Variants in CLYBL observed in about 807,000 individuals in gnomAD.
CLYBL encodes citramalyl-CoA lyase, mitochondrial.
In CLYBL, 31 loss-of-function variants were observed where a neutral mutation model predicts 38.9. That is an observed-to-expected ratio of 0.80 (90% CI 0.60 to 1.08). The LOEUF is 1.08. Ranked by LOEUF, CLYBL falls within the 50% of genes least tolerant of loss-of-function variation. The probability of loss-of-function intolerance (pLI) is 0.00; values close to 1 mark genes in which losing one functional copy is unlikely to be tolerated. For missense variants in CLYBL, 434 were observed against 411.6 expected, an observed-to-expected ratio of 1.05 and a Z score of -0.47; for synonymous variants, 171 against 158.6, an observed-to-expected ratio of 1.08 and a Z score of -0.59.
chr13:99,894,029 A>G (rs2052539540), downstream of CLYBL: 1 of 152,326 alleles, frequency 6.6e-6, no homozygotes, highest in Non-Finnish European at 1.5e-5. Flanking sequence ...TGAGAGCCAC[A>G]AATCTGGACC....
chr13:99,768,263 C>A (rs1413550428), intron 1 of CLYBL, among the ~76,000 whole-genome samples: 2 of 133,498 alleles, frequency 1.5e-5, no homozygotes, highest in African/African-American at 5.6e-5. Flanking sequence ...GGTGCTATCT[C>A]AGCTCACTGC....
chr13:99,809,350 G>A (rs777785905), intron 2 of CLYBL, among the ~76,000 whole-genome samples: 8 of 152,204 alleles, frequency 5.3e-5, no homozygotes, highest in Non-Finnish European at 8.8e-5. Context: ...CCTCCCTTCT[G>A]TGCATGACCA....
chr13:99,608,061 CTTTTTTTTTTTTTT>C (rs56149363), intron 1 of CLYBL, among the ~76,000 whole-genome samples: 5,479 of 75,216 alleles, frequency 0.073, 206 homozygotes, highest in Middle Eastern at 0.12. Flanking sequence ...TCTGGAACTT[CTTTTTTTTTTTTTT>C]TTTTTTTTTT....
chr13:99,753,291 G>A (rs1176865552), intron 1 of CLYBL, among the ~76,000 whole-genome samples: 1 of 152,078 alleles, frequency 6.6e-6, no homozygotes, highest in African/African-American at 2.4e-5. Flanking sequence ...CCATGGAAGG[G>A]GCTCAAGCAG....
intron 2 of CLYBL, among the ~76,000 whole-genome samples, chr13:99,833,030 A>ATAT (rs1555314878): frequency 1.1e-4 from 4 of 35,870 alleles, no homozygotes; most frequent in African/African-American, 2.8e-4. Context: ...ATATATATAT[A>ATAT]TTTTTTTTTT....
intron 8 of CLYBL, 143 bp downstream of exon 8, chr13:99,891,580 T>G: frequency 1.9e-6 from 1 of 533,714 alleles, no homozygotes. Flanking sequence ...TGGCCAGTTA[T>G]TCCCCTAAAA....
exon 10 of CLYBL, among the ~76,000 whole-genome samples, chr13:99,908,405 ACT>A (rs772515859): frequency 2.0e-5 from 3 of 152,180 alleles, no homozygotes; most frequent in East Asian, 3.9e-4. Context: ...AGCCAAGTGT[ACT>A]CTGTCATCAC....
At chr13:99,800,732 G>A (rs2050114513) in intron 2 of CLYBL, among the ~76,000 whole-genome samples, 1 of 151,994 alleles carries the variant, frequency 6.6e-6, no homozygotes, top group Admixed American at 6.5e-5. Context: ...AAATTAGCCT[G>A]GCATGGTGGC....
chr13:99,645,893 G>A, intron 1 of CLYBL, among the ~76,000 whole-genome samples: 1 of 152,118 alleles, frequency 6.6e-6, no homozygotes, highest in East Asian at 1.9e-4. Flanking sequence ...GGGCCTTAGG[G>A]CAATTTCTGA....
At position 99,663,276 on chromosome 13, in the gene CLYBL, T is replaced by C. The variant is rs368197937; in HGVS notation, c.62+56519T>C. Among the ~76,000 whole-genome samples the C allele has an allele frequency of 2.4e-4, 37 of 152,308 alleles. 1 individual carries two copies. In the South Asian group the frequency reaches 5.8e-3, roughly 24 times the overall value. ...AGGGCGCCGTTTGATACTAGCCCCATGTGTGGGTATAAATAATGTTTTCCA... is the reference window on the plus strand; with the variant it reads ...AGGGCGCCGTTTGATACTAGCCCCACGTGTGGGTATAAATAATGTTTTCCA... On this transcript the variant is annotated intron_variant, in intron 1 of 8. Coordinates refer to ENST00000339105, the MANE Select transcript of CLYBL (RefSeq NM_206808.5).
chr13:99,823,602 G>A (rs1211511509), intron 2 of CLYBL, among the ~76,000 whole-genome samples: 1 of 152,284 alleles, frequency 6.6e-6, no homozygotes, highest in East Asian at 1.9e-4. Flanking sequence ...TGCATTTAAG[G>A]TTCCTCCTTA....
intron 2 of CLYBL, among the ~76,000 whole-genome samples, chr13:99,841,782 TTTTTCTTTCTTTTCTTTTC>T (rs1471246713): frequency 1.2e-4 from 18 of 151,642 alleles, no homozygotes; most frequent in Admixed American, 1.1e-3. Context: ...CTATGTATTT[TTTTTCTTTCTTTTCTTTTC>T]TTTTCTTTTC....
At chr13:99,847,874 C>G (rs555520582) in intron 2 of CLYBL, among the ~76,000 whole-genome samples, 25 of 152,298 alleles carry the variant, frequency 1.6e-4, no homozygotes, top group African/African-American at 5.5e-4. Flanking sequence ...CCACCATGGT[C>G]CTTTCTCCCC....
chr13:99,675,603 T>G (rs1594113840), intron 1 of CLYBL, among the ~76,000 whole-genome samples: 1 of 152,240 alleles, frequency 6.6e-6, no homozygotes, highest in East Asian at 1.9e-4. Context: ...TCTGGACTCT[T>G]CATATACATG....
chr13:99,900,200 TAC>T (rs933094283), downstream of CLYBL, among the ~76,000 whole-genome samples: 12 of 106,450 alleles, frequency 1.1e-4, no homozygotes, highest in East Asian at 2.5e-4. Context: ...GTGCTGGGAT[TAC>T]ACACATGAGC....
chr13:99,673,281 C>T (rs369464801), intron 1 of CLYBL, among the ~76,000 whole-genome samples: 22 of 152,062 alleles, frequency 1.4e-4, no homozygotes, highest in East Asian at 5.8e-4. Context: ...GGCATGGTGG[C>T]GCACACCTGT....
chr13:99,677,561 T>G (rs1415872508), intron 1 of CLYBL, among the ~76,000 whole-genome samples: 1 of 152,250 alleles, frequency 6.6e-6, no homozygotes, highest in Non-Finnish European at 1.5e-5. Context: ...CTTGTGTGTT[T>G]GCGATTTATC....
At chr13:99,905,487 T>A (rs903265067) in intron 9 of CLYBL, among the ~76,000 whole-genome samples, 19 of 152,288 alleles carry the variant, frequency 1.2e-4, no homozygotes, top group Non-Finnish European at 2.2e-4. Context: ...GGCCCTGTTC[T>A]AGGAAGTGAA....
In CLYBL at chr13:99,683,823, T is replaced by C. The variant is rs182504988; in HGVS notation, c.62+77066T>C. On this transcript the variant is annotated intron_variant, in intron 1 of 8. Coordinates refer to ENST00000339105, the MANE Select transcript of CLYBL (RefSeq NM_206808.5). ...ATATAAAACCAGTAACATTTATTATTATCAAGTATTATGTACTGTGCATGG... is the reference window on the plus strand; with the variant it reads ...ATATAAAACCAGTAACATTTATTATCATCAAGTATTATGTACTGTGCATGG... Among the ~76,000 whole-genome samples, 5 of 151,690 alleles carry C rather than the reference T, an allele frequency of 3.3e-5. No individual in the cohort carries two copies. The East Asian group carries it at 9.7e-4, about 29-fold the overall frequency.
Sources: allele counts gnomAD v4.1 joint callset (sites outside exome capture counted in the v4.1 genomes callset), GRCh38; gene constraint gnomAD v4.1.1; transcripts MANE v1.5; gene names NCBI Gene and HGNC (gene_info 2026-07-23, HGNC 2026-07-21).